The following ST3GAL2 variants were observed in gnomAD, a reference collection of about 807,000 sequenced individuals.
ST3GAL2 encodes the protein CMP-N-acetylneuraminate-beta-galactosamide-alpha-2,3-sialyltransferase 2.
In ST3GAL2, 16 loss-of-function variants were observed where a neutral mutation model predicts 37.5. The observed-to-expected ratio is 0.43, with a 90% CI of 0.29 to 0.65. The LOEUF (loss-of-function observed/expected upper bound fraction) is 0.65, where lower values mean the gene tolerates loss of function less well. Ranked by LOEUF, ST3GAL2 falls within the 30% of genes least tolerant of loss-of-function variation. ST3GAL2 has a pLI of 0.17. For synonymous variants in ST3GAL2, 238 were observed against 202.9 expected, an observed-to-expected ratio of 1.17 and a Z score of -1.47; for missense variants, 383 against 487.8, an observed-to-expected ratio of 0.79 and a Z score of 2.02.
At chr16:70,394,445 A>G (rs541023106) in intron 3 of ST3GAL2, among the ~76,000 whole-genome samples, 197 of 152,208 alleles carry the variant, frequency 1.3e-3, no homozygotes, top group Middle Eastern at 0.01. Flanking sequence ...TGGTGCAATC[A>G]TAGCTCACTG....
chr16:70,392,507 T>C (rs1449676109), intron 3 of ST3GAL2, among the ~76,000 whole-genome samples: 2 of 152,180 alleles, frequency 1.3e-5, no homozygotes, highest in African/African-American at 2.4e-5. Context: ...CACTCCTGCA[T>C]GTATCTGCGG....
chr16:70,381,921 C>T (rs2047408758), intron 6 of ST3GAL2, 59 bp from the exon 7 acceptor site: 2 of 1,597,582 alleles, frequency 1.3e-6, no homozygotes, highest in Non-Finnish European at 1.7e-6. Flanking sequence ...TGGCGCGGGG[C>T]GGGCTCGGGA....
chr16:70,385,225 A>C (rs1207808278), intron 4 of ST3GAL2, among the ~76,000 whole-genome samples: 1 of 152,008 alleles, frequency 6.6e-6, no homozygotes, highest in Non-Finnish European at 1.5e-5. Flanking sequence ...GAATCGCTTG[A>C]ACCCAGGTTG....
rs924322441 is a variant in ST3GAL2, at chr16:70,379,140, C to A, written c.*2549G>T. ...GAGGTGGGGACAGCCCAGCCTGTGG[C>A]CACCCAAATGTATCGGAGCCTGATG... On this transcript the variant is annotated 3_prime_UTR_variant, in exon 7 of 7. Coordinates refer to ENST00000342907, the MANE Select transcript of ST3GAL2 (RefSeq NM_006927.4). 7 of 152,210 alleles carry A rather than the reference C, an allele frequency of 4.6e-5. No homozygotes were observed. Among genetic ancestry groups the A allele is most frequent in the African/African-American group, 1.4e-4 (6 of 41,450 alleles). 9.4% of individuals were successfully genotyped at this position (152,210 alleles called of 1,614,324 possible). A position where few individuals can be genotyped will look rare whatever the true frequency, so the allele number is the denominator to read the frequency against.
At chr16:70,422,073 A>G (rs2047718802) in intron 1 of ST3GAL2, among the ~76,000 whole-genome samples, 1 of 152,124 alleles carries the variant, frequency 6.6e-6, no homozygotes, top group Non-Finnish European at 1.5e-5. Context: ...GCCTGCACTA[A>G]CATTTCACAG....
chr16:70,415,762 CTTTTT>C (rs1203693372), intron 1 of ST3GAL2, among the ~76,000 whole-genome samples: 1 of 115,940 alleles, frequency 8.6e-6, no homozygotes, highest in Admixed American at 9.1e-5. Flanking sequence ...TTCCAAGATT[CTTTTT>C]TTTTTTTTTT....
At chr16:70,436,054 A>T (rs1300036229) in intron 1 of ST3GAL2, among the ~76,000 whole-genome samples, 3 of 151,700 alleles carry the variant, frequency 2.0e-5, no homozygotes, top group Non-Finnish European at 2.9e-5. Flanking sequence ...TGAACCTGGG[A>T]GGCGGAGGTT....
chr16:70,398,407 G>A lies in ST3GAL2; in HGVS notation c.124C>T (p.Leu42=), dbSNP rs781720411. 4 of 1,613,722 alleles carry A rather than the reference G, an allele frequency of 2.5e-6. No individual in the cohort carries two copies. Among genetic ancestry groups the A allele is most frequent in the Non-Finnish European group, 3.4e-6 (4 of 1,180,014 alleles). ...ATLPYLDSGA[L]DGTHRVKLVP... is the part of the protein sequence containing the mutation. Reference sequence around the variant, plus strand: ...AGCTTCACCCGGTGCGTCCCATCCAGGGCCCCTGAGTCCAGGTAGGGGAGC... The same window carrying A: ...AGCTTCACCCGGTGCGTCCCATCCAAGGCCCCTGAGTCCAGGTAGGGGAGC... Residue 42 remains leucine, a synonymous_variant, in exon 2 of 7, where the codon CTG becomes TTG. Coordinates refer to ENST00000342907, the MANE Select transcript of ST3GAL2 (RefSeq NM_006927.4).
intron 1 of ST3GAL2, chr16:70,399,947 C>A (rs1486024838): frequency 6.6e-6 from 1 of 152,534 alleles, no homozygotes; most frequent in East Asian, 1.9e-4. Context: ...CCTGCAGAGG[C>A]CTCTCCCAAT....
intron 4 of ST3GAL2, among the ~76,000 whole-genome samples, chr16:70,386,179 C>G (rs1487481884): frequency 6.6e-6 from 1 of 151,218 alleles, no homozygotes; most frequent in African/African-American, 2.4e-5. Flanking sequence ...CGCCACCACA[C>G]CCAGCTAGTT....
At chr16:70,417,955 T>G (rs913902771) in intron 1 of ST3GAL2, among the ~76,000 whole-genome samples, 1 of 152,152 alleles carries the variant, frequency 6.6e-6, no homozygotes, top group African/African-American at 2.4e-5. Context: ...CTTTTAAAGA[T>G]AGGATTCAGA....
At chr16:70,418,706 G>A (rs894041638) in intron 1 of ST3GAL2, among the ~76,000 whole-genome samples, 3 of 152,146 alleles carry the variant, frequency 2.0e-5, no homozygotes, top group South Asian at 2.1e-4. Context: ...ACATAGATAC[G>A]CTCTAGCCTG....
At chr16:70,384,718 A>C (rs923066607) in intron 4 of ST3GAL2, among the ~76,000 whole-genome samples, 8 of 149,208 alleles carry the variant, frequency 5.4e-5, no homozygotes, top group East Asian at 2.0e-4. Flanking sequence ...AAAAAAAAAA[A>C]AAAAAAAACA....
In ST3GAL2 at chr16:70,395,031, G is replaced by A. The variant is rs758905956; in HGVS notation, c.484C>T (p.Arg162Trp). Reference protein sequence around the residue: ...CAVVGNSGNLRGSGYGQDVDG... With the variant: ...CAVVGNSGNLWGSGYGQDVDG... ...ACGTCCTGCCCATAGCCAGAGCCCC[G>A]CAGGTTGCCCGAGTTCCCCACCACG... The change falls in exon 3 of 7, where the codon CGG (arginine) becomes TGG (tryptophan). Residue 162 changes from arginine (R) to tryptophan (W), a missense_variant. Physicochemically the swap from Arg to Trp is moderately radical, Grantham distance 101. Coordinates refer to ENST00000342907, the MANE Select transcript of ST3GAL2 (RefSeq NM_006927.4). 8 of 1,613,732 alleles carry A rather than the reference G, an allele frequency of 5.0e-6. No homozygotes were observed. The highest frequency in any genetic ancestry group is 2.2e-5 in the East Asian group (1 of 44,860).
At chr16:70,416,975 T>C (rs1041877795) in intron 1 of ST3GAL2, among the ~76,000 whole-genome samples, 1 of 152,132 alleles carries the variant, frequency 6.6e-6, no homozygotes, top group African/African-American at 2.4e-5. Context: ...TCCAGATCAC[T>C]CACCCGTTCA....
intron 1 of ST3GAL2, among the ~76,000 whole-genome samples, chr16:70,419,777 G>A (rs2047701177): frequency 6.6e-6 from 1 of 152,142 alleles, no homozygotes; most frequent in Non-Finnish European, 1.5e-5. Flanking sequence ...ATCAGCCCCA[G>A]TCATGGACCT....
intron 1 of ST3GAL2, among the ~76,000 whole-genome samples, chr16:70,434,273 G>A (rs985815039): frequency 9.9e-5 from 15 of 151,998 alleles, no homozygotes; most frequent in African/African-American, 3.6e-4. Context: ...CCCGTCTCTA[G>A]TAACAATACA....
intron 1 of ST3GAL2, among the ~76,000 whole-genome samples, chr16:70,402,563 G>A (rs559105150): frequency 6.6e-6 from 1 of 152,310 alleles, no homozygotes; most frequent in South Asian, 2.1e-4. Flanking sequence ...GAATTCCTCT[G>A]GAGGGGGAAG....
chr16:70,387,250 C>T (rs754096067), intron 4 of ST3GAL2, among the ~76,000 whole-genome samples: 59 of 149,156 alleles, frequency 4.0e-4, no homozygotes, highest in African/African-American at 1.3e-3. Flanking sequence ...AATGAGACTC[C>T]GTTTCAAAAG....
Sources: allele counts gnomAD v4.1 joint callset (sites outside exome capture counted in the v4.1 genomes callset), GRCh38; gene constraint gnomAD v4.1.1; transcripts MANE v1.5; gene names NCBI Gene and HGNC (gene_info 2026-07-23, HGNC 2026-07-21).